SLC4A10: variants seen among roughly 807,000 people sequenced by gnomAD.
The protein encoded by SLC4A10 is sodium-driven chloride bicarbonate exchanger.
Under a neutral mutation model 137.7 loss-of-function variants are expected in SLC4A10, and 42 were observed. The ratio of observed to expected loss-of-function variants is 0.30; its 90% confidence interval spans 0.24 to 0.39. SLC4A10 has a LOEUF of 0.39. Ranked by LOEUF, SLC4A10 falls within the 10% of genes least tolerant of loss-of-function variation. SLC4A10 has a pLI of 1.00. For missense variants in SLC4A10, 925 were observed against 1,355.0 expected, an observed-to-expected ratio of 0.68 and a Z score of 4.98; for synonymous variants, 474 against 464.1, an observed-to-expected ratio of 1.02 and a Z score of -0.27.
chr2:161,800,301 G>A (rs1309232613), intron 2 of SLC4A10, among the ~76,000 whole-genome samples: 1 of 151,984 alleles, frequency 6.6e-6, no homozygotes, highest in Non-Finnish European at 1.5e-5. Flanking sequence ...CTTTCATAAA[G>A]TGTTTAGTAG....
chr2:161,944,720 A>G (rs1051820679), intron 16 of SLC4A10, among the ~76,000 whole-genome samples: 9 of 151,712 alleles, frequency 5.9e-5, no homozygotes, highest in African/African-American at 2.2e-4. Flanking sequence ...CTTGACCAGA[A>G]ACAGTCTTTA....
chr2:161,806,820 C>G (rs543678559), intron 3 of SLC4A10, among the ~76,000 whole-genome samples: 1 of 152,280 alleles, frequency 6.6e-6, no homozygotes, highest in East Asian at 1.9e-4. Flanking sequence ...CCAACTTCTG[C>G]CTGTTACCCA....
chr2:161,839,216 A>G (rs1376743024), intron 3 of SLC4A10, among the ~76,000 whole-genome samples: 1 of 152,242 alleles, frequency 6.6e-6, no homozygotes. Flanking sequence ...GCCAGTCTCA[A>G]AAGGTTATAT....
At chr2:161,640,593 T>TTCC (rs2035134138) in intron 1 of SLC4A10, among the ~76,000 whole-genome samples, 1 of 119,260 alleles carries the variant, frequency 8.4e-6, no homozygotes, top group Non-Finnish European at 1.8e-5. Context: ...TTTCTCTTTC[T>TTCC]TTCCTTCCTT....
rs148614377 is a variant in SLC4A10 at position 161,738,595 on chromosome 2, C to A, written c.49-32378C>A. On this transcript the variant is annotated intron_variant, in intron 1 of 26. Transcript: ENST00000446997. ...ACATGTCCAGTTAGGTTACAGTTCA[C>A]TATGTATGGAGAAATTTTTAGGCCA... 3.4e-4 allele frequency among the ~76,000 whole-genome samples: 52 copies of A among 152,314 alleles called. No homozygotes were observed. In the East Asian group the frequency reaches 8.1e-3, roughly 24 times the overall value.
chr2:161,960,363 CAAAAAAAAAAA>C (rs369670130), intron 21 of SLC4A10, among the ~76,000 whole-genome samples: 27 of 46,056 alleles, frequency 5.9e-4, no homozygotes, highest in African/African-American at 1.7e-3. Context: ...GACTCTGTCT[CAAAAAAAAAAA>C]AAAAAAAAAA....
chr2:161,958,471 A>G lies in SLC4A10; in HGVS notation c.2794-16A>G, dbSNP rs1279513429. ...TGAAAATGATTTCTGCCTTTTCTCC[A>G]ATTGTTCTTTTACAGTTTATTCCCA... On this transcript the variant is annotated splice_polypyrimidine_tract_variant and intron_variant, in intron 20 of 26. Coordinates refer to ENST00000446997, the MANE Select transcript of SLC4A10 (RefSeq NM_001178015.2). 3 of 1,601,234 alleles carry G rather than the reference A, an allele frequency of 1.9e-6. No homozygotes were observed. Among genetic ancestry groups the G allele is most frequent in the Non-Finnish European group, 2.6e-6 (3 of 1,171,670 alleles).
intron 1 of SLC4A10, among the ~76,000 whole-genome samples, chr2:161,683,970 C>T (rs1039742924): frequency 1.3e-5 from 2 of 152,088 alleles, no homozygotes; most frequent in Non-Finnish European, 2.9e-5. Flanking sequence ...GCAATTGTTA[C>T]CACCATTCAC....
intron 1 of SLC4A10, among the ~76,000 whole-genome samples, chr2:161,684,059 C>T (rs1401165245): frequency 2.0e-5 from 3 of 152,278 alleles, no homozygotes; most frequent in Non-Finnish European, 2.9e-5. Context: ...TTCCCTCAGG[C>T]CCTGACAACC....
At chr2:161,798,438 C>T (rs2055016625) in intron 2 of SLC4A10, among the ~76,000 whole-genome samples, 1 of 151,824 alleles carries the variant, frequency 6.6e-6, no homozygotes, top group Non-Finnish European at 1.5e-5. Context: ...AATCAGTTTC[C>T]AAATGCGTCT....
At chr2:161,925,484 G>T (rs1221501574) in intron 15 of SLC4A10, among the ~76,000 whole-genome samples, 1 of 151,866 alleles carries the variant, frequency 6.6e-6, no homozygotes, top group Admixed American at 6.6e-5. Flanking sequence ...CAATTTTGTT[G>T]ATCCTTTCAA....
At chr2:161,756,573 G>C (rs573252686) in intron 1 of SLC4A10, among the ~76,000 whole-genome samples, 1 of 152,250 alleles carries the variant, frequency 6.6e-6, no homozygotes, top group South Asian at 2.1e-4. Context: ...GGGTTACATA[G>C]ATTTTATAGC....
chr2:161,695,070 T>A (rs2042356381), intron 1 of SLC4A10, among the ~76,000 whole-genome samples: 1 of 152,056 alleles, frequency 6.6e-6, no homozygotes. Context: ...TAGTAATTAC[T>A]TCTTTTCCTC....
At chr2:161,703,130 C>T (rs2043294089) in intron 1 of SLC4A10, among the ~76,000 whole-genome samples, 1 of 151,434 alleles carries the variant, frequency 6.6e-6, no homozygotes, top group African/African-American at 2.4e-5. Context: ...TACCCAAAGC[C>T]TCAAAAACAT....
At chr2:161,699,512 C>T (rs544433852) in intron 1 of SLC4A10, among the ~76,000 whole-genome samples, 1 of 152,208 alleles carries the variant, frequency 6.6e-6, no homozygotes, top group Non-Finnish European at 1.5e-5. Context: ...ATAGTTTAAG[C>T]ATATATTAAG....
intron 1 of SLC4A10, among the ~76,000 whole-genome samples, chr2:161,737,546 A>C (rs892312561): frequency 1.3e-5 from 2 of 152,082 alleles, no homozygotes; most frequent in Admixed American, 1.3e-4. Flanking sequence ...TAAAGAATAA[A>C]AATATTAAAA....
At chr2:161,861,350 C>T (rs1202027949) in intron 5 of SLC4A10, among the ~76,000 whole-genome samples, 1 of 152,074 alleles carries the variant, frequency 6.6e-6, no homozygotes, top group African/African-American at 2.4e-5. Flanking sequence ...TGGATATGAA[C>T]AAAAATATAT....
At chr2:161,860,480 T>C (rs1017168343) in intron 5 of SLC4A10, among the ~76,000 whole-genome samples, 2 of 152,224 alleles carry the variant, frequency 1.3e-5, no homozygotes, top group Non-Finnish European at 1.5e-5. Flanking sequence ...AATAATATCA[T>C]ATTGATATTC....
At chr2:161,842,569 C>T (rs79368369) in intron 4 of SLC4A10, among the ~76,000 whole-genome samples, 26 of 151,998 alleles carry the variant, frequency 1.7e-4, no homozygotes, top group African/African-American at 6.3e-4. Flanking sequence ...GCATGTTATT[C>T]AGTATGAACT....
Sources: allele counts gnomAD v4.1 joint callset (sites outside exome capture counted in the v4.1 genomes callset), GRCh38; gene constraint gnomAD v4.1.1; transcripts MANE v1.5; gene names NCBI Gene and HGNC (gene_info 2026-07-23, HGNC 2026-07-21).